Variants in SGCD observed in about 807,000 individuals in gnomAD.
The protein encoded by SGCD is sarcoglycan delta.
SGCD carries 18 observed loss-of-function variants against 36.6 expected under a neutral mutation model. The observed-to-expected ratio is 0.49, with a 90% CI of 0.34 to 0.73. SGCD has a LOEUF of 0.73. Ranked by LOEUF, SGCD falls within the 30% of genes least tolerant of loss-of-function variation. The pLI, the probability that SGCD is intolerant of heterozygous loss-of-function variation, is 0.01. For missense variants in SGCD, 387 were observed against 346.7 expected (o/e 1.12, Z -0.92); for synonymous variants, 133 against 130.6 (o/e 1.02, Z -0.12).
At position 156,755,653 on chromosome 5, in the gene SGCD, T is replaced by C. The variant is rs77889463; in HGVS notation, c.576-1928T>C. Among the ~76,000 whole-genome samples, 142 of 152,270 alleles carry C rather than the reference T, an allele frequency of 9.3e-4. 3 individuals carry two copies. In the East Asian group the frequency reaches 0.017, roughly 18 times the overall value. On this transcript the variant is annotated intron_variant, in intron 7 of 8. Transcript: ENST00000337851. ...GATGAACCACAATAATGGGCAGAAC[T>C]GCACCTGGTTCAGCACAACCTGGTG...
chr5:156,447,065 G>A (rs1235511701), intron 3 of SGCD, among the ~76,000 whole-genome samples: 1 of 152,134 alleles, frequency 6.6e-6, no homozygotes, highest in African/African-American at 2.4e-5. Flanking sequence ...GATCTAGACA[G>A]GATTCTAAGG....
chr5:156,590,691 T>A (rs995670824), intron 5 of SGCD, among the ~76,000 whole-genome samples: 5 of 152,222 alleles, frequency 3.3e-5, no homozygotes, highest in Middle Eastern at 6.8e-3. Flanking sequence ...TTTTGATAAA[T>A]CTGGAACTGC....
chr5:156,546,562 A>G (rs1038602835), intron 4 of SGCD, among the ~76,000 whole-genome samples: 11 of 152,202 alleles, frequency 7.2e-5, no homozygotes, highest in Non-Finnish European at 4.4e-5. Flanking sequence ...GATAACTTTC[A>G]GATTATTTTA....
chr5:155,829,191 C>T, the SGCD span, among the ~76,000 whole-genome samples: 8 of 152,038 alleles, frequency 5.3e-5, no homozygotes, highest in African/African-American at 1.9e-4. Flanking sequence ...GTCCTGGGGG[C>T]AGGATGAACT....
At chr5:155,881,095 A>G (rs1755872328) in intron 1 of SGCD, among the ~76,000 whole-genome samples, 2 of 152,112 alleles carry the variant, frequency 1.3e-5, no homozygotes, top group Admixed American at 6.6e-5. Context: ...ACTGAGGCTC[A>G]GGGAAGGGAA....
At chr5:156,726,923 A>AATTGC (rs1428052130) in intron 7 of SGCD, among the ~76,000 whole-genome samples, 1 of 152,194 alleles carries the variant, frequency 6.6e-6, no homozygotes, top group Non-Finnish European at 1.5e-5. Flanking sequence ...TCTGGATGCA[A>AATTGC]AACAGGGATA....
the SGCD span, among the ~76,000 whole-genome samples, chr5:155,733,794 TTGGTC>T: frequency 6.6e-6 from 1 of 152,102 alleles, no homozygotes; most frequent in African/African-American, 2.4e-5. Flanking sequence ...TTTTATAACT[TTGGTC>T]TGGTGATTTG....
chr5:156,355,645 G>A (rs954240988), intron 3 of SGCD, among the ~76,000 whole-genome samples: 8 of 152,244 alleles, frequency 5.3e-5, no homozygotes, highest in African/African-American at 1.9e-4. Flanking sequence ...AATAATTTTT[G>A]TTTTTCTGTG....
intron 1 of SGCD, chr5:155,870,446 A>G (rs1400935926): frequency 6.6e-6 from 1 of 152,168 alleles, no homozygotes. Flanking sequence ...AATTTTACTT[A>G]CATTATTTAC....
chr5:155,953,679 G>A (rs1424272844), intron 1 of SGCD, among the ~76,000 whole-genome samples: 1 of 152,198 alleles, frequency 6.6e-6, no homozygotes, highest in Non-Finnish European at 1.5e-5. Context: ...TGTGATGTCT[G>A]TTAAGTGCTT....
intron 1 of SGCD, among the ~76,000 whole-genome samples, chr5:155,965,399 T>C (rs749778197): frequency 1.3e-5 from 2 of 152,122 alleles, no homozygotes; most frequent in Non-Finnish European, 2.9e-5. Flanking sequence ...GCCTCTTATG[T>C]CAATCATTGT....
At chr5:155,791,064 T>A in the SGCD span, among the ~76,000 whole-genome samples, 1 of 152,150 alleles carries the variant, frequency 6.6e-6, no homozygotes, top group Admixed American at 6.6e-5. Context: ...AAAATTCTGC[T>A]TAAATATGTC....
intron 1 of SGCD, among the ~76,000 whole-genome samples, chr5:155,931,352 A>G (rs1346447106): frequency 6.6e-6 from 1 of 152,186 alleles, no homozygotes; most frequent in African/African-American, 2.4e-5. Flanking sequence ...TTGCTTCAAC[A>G]TCTTAATGGA....
chr5:156,455,861 G>A (rs779429713), intron 3 of SGCD, among the ~76,000 whole-genome samples: 14 of 152,240 alleles, frequency 9.2e-5, no homozygotes, highest in East Asian at 3.9e-4. Flanking sequence ...AAAATGCCAC[G>A]TGAAGACAGA....
Position 156,761,533 on chromosome 5 carries a change from C to T in SGCD, c.*2143C>T, listed in dbSNP as rs1265507085. ...GGGTTTTTCCAAGCCAGGAAACGCCCTCCTTGGCTACTAGGAGCACCTATC... is the reference window on the plus strand; with the variant it reads ...GGGTTTTTCCAAGCCAGGAAACGCCTTCCTTGGCTACTAGGAGCACCTATC... On this transcript the variant is annotated 3_prime_UTR_variant, in exon 9 of 9. Transcript: ENST00000337851. 6.6e-6 allele frequency: 1 copy of T among 152,192 alleles called. No homozygotes were observed. 9.4% of individuals were successfully genotyped at this position (152,192 alleles called of 1,614,324 possible). A position where few individuals can be genotyped will look rare whatever the true frequency, so the allele number is the denominator to read the frequency against.
rs143122691 is a variant in SGCD, at chr5:156,226,480, G to A, written c.-44+102461G>A. On this transcript the variant is annotated intron_variant, in intron 3 of 9. Transcript: ENST00000517913. ...TCCATACATTGATTGATGGGCATTTGGGTTGGTTCTATGATTTTGCAATTG... is the reference window on the plus strand; with the variant it reads ...TCCATACATTGATTGATGGGCATTTAGGTTGGTTCTATGATTTTGCAATTG... 3.3e-5 allele frequency among the ~76,000 whole-genome samples: 5 copies of A among 152,220 alleles called. No homozygotes were observed. In the East Asian group the frequency reaches 9.6e-4, roughly 29 times the overall value.
intron 3 of SGCD, among the ~76,000 whole-genome samples, chr5:156,498,619 A>G (rs921062752): frequency 2.6e-5 from 4 of 152,214 alleles, no homozygotes; most frequent in Admixed American, 6.5e-5. Flanking sequence ...TTGATTGCTA[A>G]ATAGTATTCC....
chr5:156,228,988 G>T (rs369982243), intron 3 of SGCD, among the ~76,000 whole-genome samples: 1 of 151,506 alleles, frequency 6.6e-6, no homozygotes, highest in African/African-American at 2.4e-5. Flanking sequence ...AGTAGGCACA[G>T]TCTAATCAGC....
intron 3 of SGCD, among the ~76,000 whole-genome samples, chr5:156,468,853 G>C (rs535475198): frequency 6.6e-6 from 1 of 152,126 alleles, no homozygotes; most frequent in Non-Finnish European, 1.5e-5. Flanking sequence ...CTAGCCAGGC[G>C]TGATGGCACA....
Sources: gnomAD v4.1 joint callset for allele counts (sites outside exome capture counted in the v4.1 genomes callset) on GRCh38, gnomAD v4.1.1 for gene constraint, MANE v1.5 for transcripts, NCBI Gene and HGNC (gene_info 2026-07-23, HGNC 2026-07-21) for gene names.